Variants in KCNH5 observed in about 807,000 individuals in gnomAD.
KCNH5 encodes the protein potassium voltage-gated channel subfamily H member 5.
Under a neutral mutation model 96.1 loss-of-function variants are expected in KCNH5, and 46 were observed. That is an observed-to-expected ratio of 0.48 (90% confidence interval 0.38 to 0.61). KCNH5 has a LOEUF of 0.61. Among genes scored for constraint, KCNH5 ranks in the 20% least tolerant of loss-of-function variants. The pLI is 0.00. For synonymous variants in KCNH5, 439 were observed against 449.8 expected (o/e 0.98, Z 0.30); for missense variants, 907 against 1,225.8 (o/e 0.74, Z 3.88).
intron 8 of KCNH5, among the ~76,000 whole-genome samples, chr14:62,814,120 G>T (rs988663076): frequency 2.6e-4 from 39 of 152,130 alleles, no homozygotes; most frequent in African/African-American, 8.7e-4. Flanking sequence ...AAACCTCATT[G>T]GTTTCACTTT....
intron 10 of KCNH5, 123 bp downstream of exon 10, chr14:62,779,605 C>A: frequency 1.4e-6 from 1 of 698,080 alleles, no homozygotes; most frequent in Non-Finnish European, 2.2e-6. Flanking sequence ...AAAATTATGC[C>A]ACTTTACATT....
chr14:62,707,824 G>A lies in KCNH5; in HGVS notation c.2651C>T (p.Pro884Leu), dbSNP rs144667189. 65 of 1,614,074 alleles carry A rather than the reference G, an allele frequency of 4.0e-5. No homozygotes were observed. The African/African-American group carries it at 4.9e-4, about 12-fold the overall frequency. Residue 884 changes from proline (P) to leucine (L), a missense_variant, in exon 11 of 11, where the codon CCG (proline) becomes CTG (leucine). Pro to Leu is a moderately conservative substitution (Grantham distance 98, BLOSUM62 -3). This residue lies in a region of KCNH5 where 362 missense variants were observed against 394.4 expected (regional missense o/e 0.92). Transcript: ENST00000322893. ...RLDKAGEARS[P>L]LEHSPIQADA... The stretch of plus-strand genomic sequence containing the variant: ...AGCCTGGATGGGACTGTGCTCTAGC[G>A]GACTTCGGGCCTCCCCAGCCTTATC...
chr14:62,999,144 T>C (rs554108817), intron 4 of KCNH5, among the ~76,000 whole-genome samples: 3 of 152,276 alleles, frequency 2.0e-5, no homozygotes, highest in South Asian at 4.2e-4. Flanking sequence ...TAGTTTACAG[T>C]CCCACCAACA....
chr14:62,710,192 G>A (rs1884538992), intron 10 of KCNH5, among the ~76,000 whole-genome samples: 1 of 152,158 alleles, frequency 6.6e-6, no homozygotes, highest in Non-Finnish European at 1.5e-5. Flanking sequence ...TCCCCTTCCA[G>A]GTAAGAGTAC....
intron 8 of KCNH5, among the ~76,000 whole-genome samples, chr14:62,847,745 C>G (rs113088489): frequency 0.012 from 1,811 of 152,292 alleles, 41 homozygotes; most frequent in African/African-American, 0.041. Flanking sequence ...TTCTATTACT[C>G]CATTTTCCTT....
chr14:62,950,564 AT>A lies in KCNH5; in HGVS notation c.943-6del, dbSNP rs778754690. 17 of 1,486,926 alleles carry A rather than the reference AT, an allele frequency of 1.1e-5. No homozygotes were observed. The highest frequency in any genetic ancestry group is 2.7e-6 in the Non-Finnish European group (3 of 1,120,510). 92.1% of individuals were successfully genotyped at this position (1,486,926 alleles called of 1,614,324 possible). A position where few individuals can be genotyped will look rare whatever the true frequency, so the allele number is the denominator to read the frequency against. On this transcript the variant is annotated splice_region_variant and splice_polypyrimidine_tract_variant and intron_variant, in intron 6 of 10. Transcript: ENST00000322893. ...ACTGAAGAGACTGCTGATTCCCTGG[AT>A]TTAAAAAAAAAAAAAAAATTACACC...
intron 7 of KCNH5, among the ~76,000 whole-genome samples, chr14:62,902,690 G>GA (rs1269462527): frequency 6.0e-5 from 9 of 149,918 alleles, no homozygotes; most frequent in African/African-American, 1.7e-4. Flanking sequence ...AGTTTTATCT[G>GA]AAAAAAGTGT....
intron 7 of KCNH5, among the ~76,000 whole-genome samples, chr14:62,859,478 T>A (rs964097832): frequency 6.6e-6 from 1 of 152,202 alleles, no homozygotes; most frequent in Non-Finnish European, 1.5e-5. Flanking sequence ...AGGTCACCTG[T>A]TGGTGAGCAC....
intron 8 of KCNH5, among the ~76,000 whole-genome samples, chr14:62,831,976 G>GTGT (rs1384245186): frequency 5.9e-5 from 9 of 152,162 alleles, no homozygotes; most frequent in African/African-American, 2.2e-4. Flanking sequence ...GCCTCCCAAA[G>GTGT]TGTTGGGATT....
At chr14:62,749,219 C>G (rs970951992) in intron 10 of KCNH5, among the ~76,000 whole-genome samples, 3 of 152,196 alleles carry the variant, frequency 2.0e-5, no homozygotes, top group African/African-American at 7.2e-5. Context: ...GAATGCCAAT[C>G]CATATCTTTA....
chr14:62,778,552 C>T (rs1282073151), intron 10 of KCNH5, among the ~76,000 whole-genome samples: 1 of 152,210 alleles, frequency 6.6e-6, no homozygotes, highest in Non-Finnish European at 1.5e-5. Flanking sequence ...GAAACTTCCA[C>T]ATTTAGTTAA....
intron 1 of KCNH5, among the ~76,000 whole-genome samples, chr14:63,037,637 A>G (rs1044105477): frequency 1.3e-5 from 2 of 152,206 alleles, no homozygotes; most frequent in African/African-American, 2.4e-5. Flanking sequence ...GGGCTTACAG[A>G]AAAGATCAGG....
chr14:62,849,695 A>G lies in KCNH5; in HGVS notation c.1527T>C (p.Ile509=). 1 of 1,613,892 alleles carries G rather than the reference A, an allele frequency of 6.2e-7. No homozygotes were observed. The highest frequency in any genetic ancestry group is 1.1e-5 in the South Asian group (1 of 91,072). The change falls in exon 8 of 11, where the codon ATT becomes ATC. Residue 509 remains isoleucine, a synonymous_variant. Transcript: ENST00000322893. Reference sequence around the variant, plus strand: ...CTTTTGACATGGACCATGTTGAGACAATATAATCCATGACTCGCTCACTAA... The same window carrying G: ...CTTTTGACATGGACCATGTTGAGACGATATAATCCATGACTCGCTCACTAA... ...KGLSERVMDY[I]VSTWSMSKGI...
intron 7 of KCNH5, among the ~76,000 whole-genome samples, 156 bp from the exon 8 acceptor site, chr14:62,850,008 T>A (rs1887773145): frequency 6.6e-6 from 1 of 152,184 alleles, no homozygotes; most frequent in Non-Finnish European, 1.5e-5. Flanking sequence ...ACACCTGGTA[T>A]TCACTCAGAA....
chr14:62,871,990 T>A (rs894198108), intron 7 of KCNH5, among the ~76,000 whole-genome samples: 1 of 152,188 alleles, frequency 6.6e-6, no homozygotes, highest in Non-Finnish European at 1.5e-5. Flanking sequence ...CCTGTTATCA[T>A]CTCTCTCACC....
chr14:62,861,969 G>A (rs1684668168), intron 7 of KCNH5, among the ~76,000 whole-genome samples: 1 of 152,114 alleles, frequency 6.6e-6, no homozygotes, highest in Non-Finnish European at 1.5e-5. Flanking sequence ...TTACTATGAT[G>A]AAAAACTGAA....
At chr14:62,820,462 T>TTA (rs1409226769) in intron 8 of KCNH5, among the ~76,000 whole-genome samples, 2 of 151,976 alleles carry the variant, frequency 1.3e-5, no homozygotes, top group Non-Finnish European at 2.9e-5. Context: ...TACCCATTAG[T>TTA]TATTTTTCCT....
At chr14:62,915,235 C>G (rs910271779) in intron 7 of KCNH5, among the ~76,000 whole-genome samples, 2 of 152,190 alleles carry the variant, frequency 1.3e-5, no homozygotes, top group South Asian at 4.1e-4. Flanking sequence ...CATAAACTCA[C>G]TATTTAAATT....
chr14:62,940,456 C>T (rs1202882996), intron 7 of KCNH5, among the ~76,000 whole-genome samples: 3 of 152,214 alleles, frequency 2.0e-5, no homozygotes, highest in African/African-American at 7.2e-5. Context: ...TTATCTCCTC[C>T]AATTCATTGT....
Sources: allele counts gnomAD v4.1 joint callset (sites outside exome capture counted in the v4.1 genomes callset), GRCh38; gene constraint gnomAD v4.1.1; regional missense constraint gnomAD v4.1.1; transcripts MANE v1.5; gene names NCBI Gene and HGNC (gene_info 2026-07-23, HGNC 2026-07-21).